The following TBX15 variants were observed in gnomAD, a reference collection of about 807,000 sequenced individuals.
TBX15 encodes the protein T-box transcription factor TBX15.
Under a neutral mutation model 53.9 loss-of-function variants are expected in TBX15, and 18 were observed. The ratio of observed to expected loss-of-function variants is 0.33; its 90% CI spans 0.23 to 0.49. The LOEUF (loss-of-function observed/expected upper bound fraction) is 0.49. TBX15 is among the 20% of genes least tolerant of loss of function. The probability of loss-of-function intolerance (pLI) is 0.98; values close to 1 mark genes in which losing one functional copy is unlikely to be tolerated. For synonymous variants in TBX15, 295 were observed against 278.0 expected (o/e 1.06, Z -0.61); for missense variants, 692 against 749.5 (o/e 0.92, Z 0.90).
chr1:118,944,651 A>C (rs964212049), intron 1 of TBX15, among the ~76,000 whole-genome samples: 1 of 151,848 alleles, frequency 6.6e-6, no homozygotes, highest in Non-Finnish European at 1.5e-5. Context: ...AGTTGCTCCT[A>C]CCCTCCTCCC....
chr1:118,948,790 C>T (rs1656423555), intron 1 of TBX15, among the ~76,000 whole-genome samples: 1 of 152,136 alleles, frequency 6.6e-6, no homozygotes. Flanking sequence ...AAAGACCCTA[C>T]CATGGTTTGA....
At chr1:118,979,259 C>G (rs1301136424) in intron 1 of TBX15, among the ~76,000 whole-genome samples, 5 of 151,680 alleles carry the variant, frequency 3.3e-5, no homozygotes, top group African/African-American at 2.4e-5. Flanking sequence ...CCAAGAGCAG[C>G]GGGAAGGACA....
intron 1 of TBX15, among the ~76,000 whole-genome samples, chr1:118,952,333 T>C (rs2101658365): frequency 6.6e-6 from 1 of 152,292 alleles, no homozygotes; most frequent in Non-Finnish European, 1.5e-5. Context: ...TCGGAAGTTA[T>C]ATCGAGATTT....
chr1:118,889,799 A>AC (rs1041066977), intron 7 of TBX15, among the ~76,000 whole-genome samples: 1 of 102,590 alleles, frequency 9.7e-6, no homozygotes, highest in Non-Finnish European at 1.9e-5. Flanking sequence ...ATAGGCATTA[A>AC]TTTAAAAAAA....
At chr1:118,930,271 G>T (rs868653257) in intron 2 of TBX15, among the ~76,000 whole-genome samples, 1 of 152,236 alleles carries the variant, frequency 6.6e-6, no homozygotes, top group South Asian at 2.1e-4. Context: ...TCAGTAAGAT[G>T]CGATTTTTGT....
chr1:118,952,501 G>A lies in TBX15; in HGVS notation c.206-20669C>T, dbSNP rs547804695. Among the ~76,000 whole-genome samples, 3 of 152,194 alleles carry A rather than the reference G, an allele frequency of 2.0e-5. No individual in the cohort carries two copies. The East Asian group carries it at 5.8e-4, about 29-fold the overall frequency. ...TAAATTCTCAATTATTTTAAGTGTG[G>A]GTTCTCATCTCACTCAGTGCCCTCA... On this transcript the variant is annotated intron_variant, in intron 1 of 7. Coordinates refer to ENST00000369429, the MANE Select transcript of TBX15 (RefSeq NM_001330677.2).
At position 118,929,974 on chromosome 1, in the gene TBX15, C is replaced by T. The variant is rs117131806; in HGVS notation, c.419+1645G>A. Among the ~76,000 whole-genome samples, 4 of 152,194 alleles carry T rather than the reference C, an allele frequency of 2.6e-5. No individual in the cohort carries two copies. In the East Asian group the frequency reaches 7.7e-4, roughly 29 times the overall value. ...AGCCTTTACACCACAAAATGTGGAA[C>T]AGAAGTACACTGAGACCCAAGCAAC... On this transcript the variant is annotated intron_variant, in intron 2 of 7. Coordinates refer to ENST00000369429, the MANE Select transcript of TBX15 (RefSeq NM_001330677.2).
chr1:118,915,881 A>G (rs1051378815), intron 5 of TBX15, among the ~76,000 whole-genome samples: 5 of 152,210 alleles, frequency 3.3e-5, no homozygotes, highest in Non-Finnish European at 5.9e-5. Context: ...CCCGGGGGAA[A>G]TGGTTAAAAA....
chr1:118,915,705 C>A (rs977889781), intron 5 of TBX15, among the ~76,000 whole-genome samples: 3 of 152,126 alleles, frequency 2.0e-5, no homozygotes, highest in Admixed American at 2.0e-4. Context: ...AAACCATGCA[C>A]CATATTTTCT....
chr1:118,949,082 C>G (rs1283444601), intron 1 of TBX15, among the ~76,000 whole-genome samples: 2 of 152,138 alleles, frequency 1.3e-5, no homozygotes, highest in Admixed American at 6.5e-5. Flanking sequence ...GCTTGAAATT[C>G]AGAAGCATGA....
chr1:118,944,786 T>C (rs531446125), intron 1 of TBX15, among the ~76,000 whole-genome samples: 11 of 152,204 alleles, frequency 7.2e-5, no homozygotes, highest in Non-Finnish European at 1.5e-4. Context: ...TCAGCATCTG[T>C]CATGATGACC....
chr1:118,894,761 G>T (rs543858439), intron 7 of TBX15, among the ~76,000 whole-genome samples: 1 of 152,124 alleles, frequency 6.6e-6, no homozygotes, highest in East Asian at 1.9e-4. Flanking sequence ...CTCAGTTTTG[G>T]ACATGCTGAG....
intron 7 of TBX15, among the ~76,000 whole-genome samples, chr1:118,897,014 G>A (rs1449768163): frequency 2.7e-5 from 4 of 150,684 alleles, no homozygotes; most frequent in Non-Finnish European, 4.4e-5. Flanking sequence ...CTTCTCTTCC[G>A]ATAAAAGTGA....
At chr1:118,981,895 A>T (rs1230895291) in intron 1 of TBX15, among the ~76,000 whole-genome samples, 1 of 152,238 alleles carries the variant, frequency 6.6e-6, no homozygotes, top group Non-Finnish European at 1.5e-5. Flanking sequence ...CTTACTAGAA[A>T]CCAGGAAAAG....
At chr1:118,930,100 G>A (rs1479061763) in intron 2 of TBX15, among the ~76,000 whole-genome samples, 2 of 152,120 alleles carry the variant, frequency 1.3e-5, no homozygotes, top group Non-Finnish European at 2.9e-5. Flanking sequence ...GAGAGCTCCA[G>A]AAAAGAAAGA....
rs367627997 is a variant in TBX15 at position 118,965,091 on chromosome 1, C to G, written c.205+22500G>C. Among the ~76,000 whole-genome samples, 17 of 152,306 alleles carry G rather than the reference C, an allele frequency of 1.1e-4. No individual in the cohort carries two copies. In the South Asian group the frequency reaches 1.9e-3, roughly 17 times the overall value. On this transcript the variant is annotated intron_variant, in intron 1 of 7. Coordinates refer to ENST00000369429, the MANE Select transcript of TBX15 (RefSeq NM_001330677.2). Reference sequence around the variant, plus strand: ...TGACTGACATGCCTTTTATTCTCTCCCTCACTAACAAGAAATGTTTGCTGC... The same window carrying G: ...TGACTGACATGCCTTTTATTCTCTCGCTCACTAACAAGAAATGTTTGCTGC...
At chr1:118,940,498 T>C (rs1231106259) in intron 1 of TBX15, among the ~76,000 whole-genome samples, 2 of 151,858 alleles carry the variant, frequency 1.3e-5, no homozygotes, top group African/African-American at 4.9e-5. Flanking sequence ...AATGGAAGCA[T>C]TGAAAGACAG....
At chr1:118,898,247 C>A (rs534867897) in intron 7 of TBX15, among the ~76,000 whole-genome samples, 65 of 152,220 alleles carry the variant, frequency 4.3e-4, no homozygotes, top group Middle Eastern at 3.4e-3. Context: ...TAAAACCTGA[C>A]AGATTTCAGC....
chr1:118,892,619 C>A (rs981908463), intron 7 of TBX15, among the ~76,000 whole-genome samples: 4 of 151,992 alleles, frequency 2.6e-5, no homozygotes. Flanking sequence ...CATTAGGATG[C>A]CCAGAATTAA....
Sources: gnomAD v4.1 joint callset for allele counts (sites outside exome capture counted in the v4.1 genomes callset) on GRCh38, gnomAD v4.1.1 for gene constraint, MANE v1.5 for transcripts, NCBI Gene and HGNC (gene_info 2026-07-23, HGNC 2026-07-21) for gene names.